Variants in UGT1A10 observed in about 807,000 individuals in gnomAD.
UGT1A10 encodes the protein UDP glucuronosyltransferase family 1 member A10.
Under a neutral mutation model 45.8 loss-of-function variants are expected in UGT1A10, and 49 were observed. The ratio of observed to expected loss-of-function variants is 1.07; its 90% confidence interval spans 0.85 to 1.36. The LOEUF is 1.36. Among genes scored for constraint, UGT1A10 ranks in the 40% most tolerant of loss-of-function variants. The pLI, the probability that UGT1A10 is intolerant of heterozygous loss-of-function variation, is 0.00. For missense variants in UGT1A10, 745 were observed against 668.6 expected, an observed-to-expected ratio of 1.11 and a Z score of -1.26; for synonymous variants, 284 against 249.7, an observed-to-expected ratio of 1.14 and a Z score of -1.29.
At chr2:233,729,677 G>A (rs2077906321) in intron 1 of UGT1A10, 6 of 1,613,888 alleles carry the variant, frequency 3.7e-6, no homozygotes, top group Middle Eastern at 1.7e-4. Context: ...GACTTTAAGG[G>A]CACACAGTGT....
intron 1 of UGT1A10, among the ~76,000 whole-genome samples, chr2:233,722,821 T>C (rs1575543414): frequency 6.6e-6 from 1 of 151,782 alleles, no homozygotes; most frequent in African/African-American, 2.4e-5. Flanking sequence ...TTTCAAGTTA[T>C]TTTGTATTAT....
chr2:233,696,348 T>G (rs2075339428), intron 1 of UGT1A10, among the ~76,000 whole-genome samples: 1 of 152,086 alleles, frequency 6.6e-6, no homozygotes, highest in Non-Finnish European at 1.5e-5. Flanking sequence ...ATCTTTCACT[T>G]CCTTCCTTAA....
intron 1 of UGT1A10, among the ~76,000 whole-genome samples, chr2:233,711,089 T>C (rs2076163028): frequency 6.6e-6 from 1 of 152,208 alleles, no homozygotes; most frequent in African/African-American, 2.4e-5. Flanking sequence ...TCCAAGTCTA[T>C]CTGTGCAGCC....
chr2:233,666,074 C>T (rs548114195), intron 1 of UGT1A10, among the ~76,000 whole-genome samples: 33 of 152,314 alleles, frequency 2.2e-4, no homozygotes, highest in African/African-American at 6.7e-4. Context: ...CCGCATCTGG[C>T]GAGAGACTCA....
At chr2:233,729,509 G>C in intron 1 of UGT1A10, 1 of 1,614,214 alleles carries the variant, frequency 6.2e-7, no homozygotes, top group South Asian at 1.1e-5. Context: ...CATAGGTCTT[G>C]TGTGGAGCTA....
At chr2:233,717,025 C>A (rs947654247) in intron 1 of UGT1A10, among the ~76,000 whole-genome samples, 5 of 152,200 alleles carry the variant, frequency 3.3e-5, no homozygotes, top group Non-Finnish European at 4.4e-5. Flanking sequence ...GCACCACCAT[C>A]TTCCAAGATA....
chr2:233,705,851 G>A (rs1384426645), intron 1 of UGT1A10, among the ~76,000 whole-genome samples: 1 of 152,174 alleles, frequency 6.6e-6, no homozygotes, highest in Non-Finnish European at 1.5e-5. Context: ...GAAGTGGGAA[G>A]CTGAGGCAGG....
At chr2:233,743,723 T>C (rs1252847371) in intron 1 of UGT1A10, 5 of 1,367,380 alleles carry the variant, frequency 3.7e-6, no homozygotes, top group South Asian at 2.3e-5. Flanking sequence ...ATAGCGGTCA[T>C]AGATATCGCG....
At chr2:233,731,444 C>T (rs1406518964) in intron 1 of UGT1A10, among the ~76,000 whole-genome samples, 1 of 152,126 alleles carries the variant, frequency 6.6e-6, no homozygotes, top group Non-Finnish European at 1.5e-5. Flanking sequence ...CAGTCCCCCA[C>T]CCCACAACAG....
rs146432524 is a variant in UGT1A10, at chr2:233,729,522, A to G, written c.856-37512A>G. On this transcript the variant is annotated intron_variant, in intron 1 of 4. Coordinates refer to ENST00000344644, the MANE Select transcript of UGT1A10 (RefSeq NM_019075.4). ...ATCATAGGTCTTGTGTGGAGCTACT[A>G]CATAATGAGGCCCTGATCAGGCACC... 1,184 of 1,614,192 alleles carry G rather than the reference A, an allele frequency of 7.3e-4. 2 individuals carry two copies. Among genetic ancestry groups the G allele is most frequent in the Non-Finnish European group, 9.8e-4 (1,156 of 1,180,024 alleles).
chr2:233,678,659 T>C (rs1260907915), intron 1 of UGT1A10, among the ~76,000 whole-genome samples: 3 of 152,250 alleles, frequency 2.0e-5, no homozygotes, highest in African/African-American at 7.2e-5. Context: ...GAAGCATTTC[T>C]ATGAGGCTTG....
intron 1 of UGT1A10, chr2:233,672,761 A>G (rs1161728705): frequency 2.5e-6 from 4 of 1,613,748 alleles, no homozygotes; most frequent in Admixed American, 1.7e-5. Flanking sequence ...GGTGGTATCA[A>G]CTGCCATCAG....
intron 1 of UGT1A10, among the ~76,000 whole-genome samples, chr2:233,703,618 A>G (rs1261282473): frequency 1.3e-5 from 2 of 151,894 alleles, no homozygotes; most frequent in Non-Finnish European, 2.9e-5. Flanking sequence ...AAAAAAGTCT[A>G]TTTTATCTGA....
At chr2:233,747,502 C>A in intron 1 of UGT1A10, 1 of 1,608,242 alleles carries the variant, frequency 6.2e-7, no homozygotes, top group Non-Finnish European at 8.5e-7. Context: ...CTGGGCCACA[C>A]TCAACTGTAC....
chr2:233,718,890 C>A (rs6755571), intron 1 of UGT1A10: 85,148 of 1,613,968 alleles, frequency 0.053, 2,693 homozygotes, highest in Non-Finnish European at 0.063. Flanking sequence ...CAGTGTCCAG[C>A]CCTGGGCTGA....
chr2:233,651,562 C>T (rs535436202), intron 1 of UGT1A10, among the ~76,000 whole-genome samples: 2 of 152,222 alleles, frequency 1.3e-5, no homozygotes, highest in African/African-American at 4.8e-5. Context: ...ATTCAGATAT[C>T]AAAGAGTGCC....
chr2:233,771,112 C>T (rs1345932660), intron 4 of UGT1A10: 1 of 152,184 alleles, frequency 6.6e-6, no homozygotes. Flanking sequence ...CACTAAAGCA[C>T]AAGGGATCCG....
At chr2:233,701,516 T>C (rs1007365654) in intron 1 of UGT1A10, among the ~76,000 whole-genome samples, 21 of 152,106 alleles carry the variant, frequency 1.4e-4, no homozygotes, top group Non-Finnish European at 2.6e-4. Flanking sequence ...TACAGAACTC[T>C]CCACCCCAAA....
At chr2:233,691,848 T>C (rs2075060347) in intron 1 of UGT1A10, 1 of 159,620 alleles carries the variant, frequency 6.3e-6, no homozygotes, top group Admixed American at 6.5e-5. Flanking sequence ...TGTTGTTATA[T>C]TGTGATGTAT....
Sources: allele counts gnomAD v4.1 joint callset (sites outside exome capture counted in the v4.1 genomes callset), GRCh38; gene constraint gnomAD v4.1.1; transcripts MANE v1.5; gene names NCBI Gene and HGNC (gene_info 2026-07-23, HGNC 2026-07-21).